The following SLC24A2 variants were observed in gnomAD, a reference collection of about 807,000 sequenced individuals.
SLC24A2 encodes solute carrier family 24 member 2, also known as sodium/potassium/calcium exchanger 2.
A neutral mutation model predicts 62.0 loss-of-function variants in SLC24A2; 36 were observed. That is an observed-to-expected ratio of 0.58 (90% CI 0.44 to 0.77). SLC24A2 has a LOEUF of 0.77. Among genes scored for constraint, SLC24A2 ranks in the 30% least tolerant of loss-of-function variants. The pLI, the probability that SLC24A2 is intolerant of heterozygous loss-of-function variation, is 0.00. For synonymous variants in SLC24A2, 358 were observed against 294.0 expected, an observed-to-expected ratio of 1.22 and a Z score of -2.23; for missense variants, 846 against 817.9, an observed-to-expected ratio of 1.03 and a Z score of -0.42.
At chr9:19,543,173 A>T (rs1834365396) in intron 8 of SLC24A2, among the ~76,000 whole-genome samples, 1 of 152,216 alleles carries the variant, frequency 6.6e-6, no homozygotes, top group Non-Finnish European at 1.5e-5. Flanking sequence ...GTATGTGTCC[A>T]GGAATTTATC....
intron 5 of SLC24A2, among the ~76,000 whole-genome samples, chr9:19,592,727 G>A (rs984776026): frequency 1.3e-5 from 2 of 152,260 alleles, no homozygotes; most frequent in African/African-American, 2.4e-5. Context: ...TTTAGGAAAA[G>A]AGCCACGTTC....
chr9:19,819,932 T>C, the SLC24A2 span, among the ~76,000 whole-genome samples: 1 of 149,662 alleles, frequency 6.7e-6, no homozygotes, highest in African/African-American at 2.5e-5. Context: ...CAATTCACAA[T>C]TGTAAAATCG....
chr9:19,908,466 A>G, the SLC24A2 span, among the ~76,000 whole-genome samples: 6 of 152,262 alleles, frequency 3.9e-5, no homozygotes, highest in Admixed American at 3.3e-4. Flanking sequence ...AATGGCAACA[A>G]AAGCCAAAAT....
chr9:20,206,695 T>A, the SLC24A2 span, among the ~76,000 whole-genome samples: 1 of 152,154 alleles, frequency 6.6e-6, no homozygotes, highest in Non-Finnish European at 1.5e-5. Flanking sequence ...TTGGTCATGC[T>A]GGTCTCGAAC....
the SLC24A2 span, among the ~76,000 whole-genome samples, chr9:20,097,504 A>T: frequency 2.0e-5 from 3 of 152,098 alleles, no homozygotes; most frequent in Admixed American, 6.5e-5. Flanking sequence ...ACTAATAGTC[A>T]CTTTGAGATC....
At chr9:19,569,699 T>C (rs1394424578) in intron 7 of SLC24A2, among the ~76,000 whole-genome samples, 1 of 152,140 alleles carries the variant, frequency 6.6e-6, no homozygotes, top group Non-Finnish European at 1.5e-5. Context: ...TGACTTCCAA[T>C]GGCTTCTTGC....
the SLC24A2 span, among the ~76,000 whole-genome samples, chr9:19,936,111 C>T: frequency 6.6e-6 from 1 of 152,060 alleles, no homozygotes; most frequent in South Asian, 2.1e-4. Context: ...GAGGCTGCCA[C>T]CATAATAAAC....
chr9:19,906,653 C>A, the SLC24A2 span, among the ~76,000 whole-genome samples: 1 of 152,058 alleles, frequency 6.6e-6, no homozygotes, highest in African/African-American at 2.4e-5. Context: ...GATATCACCA[C>A]CGATCCCACA....
At chr9:20,087,624 G>T in the SLC24A2 span, among the ~76,000 whole-genome samples, 1 of 152,194 alleles carries the variant, frequency 6.6e-6, no homozygotes, top group Non-Finnish European at 1.5e-5. Context: ...TTATTTGGAT[G>T]TTCTAGAGCT....
At chr9:20,214,392 T>TC in the SLC24A2 span, among the ~76,000 whole-genome samples, 1 of 152,114 alleles carries the variant, frequency 6.6e-6, no homozygotes, top group Non-Finnish European at 1.5e-5. Context: ...GGCAGGCGGA[T>TC]CACAAGGTCA....
At chr9:19,531,954 A>C (rs1833729552) in intron 8 of SLC24A2, among the ~76,000 whole-genome samples, 1 of 152,232 alleles carries the variant, frequency 6.6e-6, no homozygotes, top group Non-Finnish European at 1.5e-5. Flanking sequence ...TAGACAATAT[A>C]GTCATGCCCT....
chr9:19,830,623 A>G, the SLC24A2 span, among the ~76,000 whole-genome samples: 4 of 152,196 alleles, frequency 2.6e-5, no homozygotes, highest in East Asian at 1.9e-4. Flanking sequence ...CTTCCATTCT[A>G]TGAACCAGCA....
At chr9:20,072,513 T>C in the SLC24A2 span, among the ~76,000 whole-genome samples, 3 of 152,286 alleles carry the variant, frequency 2.0e-5, no homozygotes, top group Non-Finnish European at 2.9e-5. Flanking sequence ...TATGGTTATA[T>C]AGCGATCTAT....
chr9:20,110,623 G>C, the SLC24A2 span, among the ~76,000 whole-genome samples: 1 of 151,978 alleles, frequency 6.6e-6, no homozygotes, highest in South Asian at 2.1e-4. Context: ...TAAAAGTGTG[G>C]CTAAAAAGTA....
rs1358983585 is a variant in SLC24A2, at chr9:19,632,444, C to T, written c.931-10145G>A. Among the ~76,000 whole-genome samples the T allele has an allele frequency of 6.6e-6, 1 of 152,166 alleles. No homozygotes were observed. The highest frequency in any genetic ancestry group is 1.5e-5 in the Non-Finnish European group (1 of 68,026). ...GTGACCAAAATAGCCCAAATCCTTGCTTTCACGGAGTGTATATTCTAGCCT... is the reference window on the plus strand; with the variant it reads ...GTGACCAAAATAGCCCAAATCCTTGTTTTCACGGAGTGTATATTCTAGCCT... On this transcript the variant is annotated intron_variant, in intron 2 of 10. Transcript: ENST00000341998. The surrounding 1 kb of genome is among the most constrained non-coding windows in gnomAD (Gnocchi z 4.5).
chr9:20,061,109 T>C, the SLC24A2 span, among the ~76,000 whole-genome samples: 2 of 152,152 alleles, frequency 1.3e-5, no homozygotes, highest in African/African-American at 4.8e-5. Flanking sequence ...ATTGACAAGA[T>C]AATTTTAATA....
chr9:20,205,334 G>A, the SLC24A2 span, among the ~76,000 whole-genome samples: 1 of 152,016 alleles, frequency 6.6e-6, no homozygotes, highest in Non-Finnish European at 1.5e-5. Flanking sequence ...CATCTTTTAT[G>A]TGAAAGAATG....
chr9:19,906,840 TACCA>T, the SLC24A2 span, among the ~76,000 whole-genome samples: 2 of 152,110 alleles, frequency 1.3e-5, no homozygotes, highest in Non-Finnish European at 2.9e-5. Flanking sequence ...ATTAATAGCT[TACCA>T]ACCAAAAAAA....
chr9:19,845,509 G>C, the SLC24A2 span, among the ~76,000 whole-genome samples: 1 of 151,908 alleles, frequency 6.6e-6, no homozygotes, highest in African/African-American at 2.4e-5. Flanking sequence ...CCTTTTTGCA[G>C]TCTATTGATT....
Sources: allele counts gnomAD v4.1 joint callset (sites outside exome capture counted in the v4.1 genomes callset), GRCh38; gene constraint gnomAD v4.1.1; non-coding constraint Gnocchi (gnomAD v3.1); transcripts MANE v1.5; gene names NCBI Gene and HGNC (gene_info 2026-07-23, HGNC 2026-07-21).